The following WDR93 variants were observed in gnomAD, a reference collection of about 807,000 sequenced individuals.
WDR93 encodes the protein WD repeat domain 93, also known as WD repeat-containing protein 93.
Under a neutral mutation model 82.9 loss-of-function variants are expected in WDR93, and 73 were observed. The ratio of observed to expected loss-of-function variants is 0.88; its 90% confidence interval spans 0.73 to 1.07. The LOEUF is 1.07. Ranked by LOEUF, WDR93 falls within the 50% of genes least tolerant of loss-of-function variation. The pLI, the probability that WDR93 is intolerant of heterozygous loss-of-function variation, is 0.00. For missense variants in WDR93, 738 were observed against 826.0 expected (o/e 0.89, Z 1.31); for synonymous variants, 283 against 300.1 (o/e 0.94, Z 0.59).
At chr15:89,732,642 C>CAT (rs1179576729) in intron 12 of WDR93, among the ~76,000 whole-genome samples, 1 of 151,012 alleles carries the variant, frequency 6.6e-6, no homozygotes, top group Non-Finnish European at 1.5e-5. Context: ...CACACACACA[C>CAT]CGCCTTTTCT....
intron 8 of WDR93, among the ~76,000 whole-genome samples, chr15:89,725,195 C>A (rs1966684896): frequency 6.6e-6 from 1 of 152,110 alleles, no homozygotes; most frequent in South Asian, 2.1e-4. Context: ...AAATTTTCAT[C>A]AGTAGTAGAA....
intron 1 of WDR93, among the ~76,000 whole-genome samples, chr15:89,696,340 C>T (rs1965173804): frequency 6.6e-6 from 1 of 152,110 alleles, no homozygotes; most frequent in Non-Finnish European, 1.5e-5. Flanking sequence ...GATTAGTATT[C>T]TATTATATGG....
At chr15:89,740,239 T>C (rs1214672815) in intron 16 of WDR93, among the ~76,000 whole-genome samples, 3 of 152,190 alleles carry the variant, frequency 2.0e-5, no homozygotes, top group Non-Finnish European at 4.4e-5. Context: ...TACCACTAGG[T>C]GGCACCATAG....
intron 3 of WDR93, 57 bp downstream of exon 3, chr15:89,703,199 C>A: frequency 6.3e-7 from 1 of 1,585,954 alleles, no homozygotes; most frequent in South Asian, 1.1e-5. Flanking sequence ...AGACTGTTGT[C>A]AATTTAATCT....
chr15:89,703,196 T>C (rs1330675627), intron 3 of WDR93, 54 bp downstream of exon 3: 1 of 1,591,116 alleles, frequency 6.3e-7, no homozygotes, highest in South Asian at 1.1e-5. Flanking sequence ...TGTAGACTGT[T>C]GTCAATTTAA....
intron 4 of WDR93, among the ~76,000 whole-genome samples, chr15:89,709,841 A>G (rs924824168): frequency 2.7e-5 from 4 of 149,650 alleles, no homozygotes; most frequent in African/African-American, 9.9e-5. Context: ...CAAGATGTTC[A>G]TAGCAGCTGT....
intron 13 of WDR93, 66 bp downstream of exon 13, chr15:89,733,285 T>C (rs1240746848): frequency 1.1e-5 from 17 of 1,482,440 alleles, no homozygotes; most frequent in Non-Finnish European, 1.5e-5. Flanking sequence ...TATTTGATAG[T>C]AAAATCTGAC....
In WDR93 at chr15:89,701,678, A is replaced by C. The variant is rs186034379; in HGVS notation, c.-40-29A>C. Reference sequence around the variant, plus strand: ...ATCTTCTCATTGCTTCCTTTCTTCCAGAATTCCTTTGTTTACTTCTCTTAT... The same window carrying C: ...ATCTTCTCATTGCTTCCTTTCTTCCCGAATTCCTTTGTTTACTTCTCTTAT... On this transcript the variant is annotated intron_variant, in intron 1 of 16. Transcript: ENST00000268130. 113 of 1,531,594 alleles carry C rather than the reference A, an allele frequency of 7.4e-5. No individual in the cohort carries two copies. The African/African-American group carries it at 1.4e-3, about 19-fold the overall frequency. 94.9% of individuals were successfully genotyped at this position (1,531,594 alleles called of 1,614,324 possible).
At chr15:89,718,218 G>A (rs1596095020) in intron 7 of WDR93, among the ~76,000 whole-genome samples, 1 of 152,194 alleles carries the variant, frequency 6.6e-6, no homozygotes. Context: ...GCTCACGCCT[G>A]TAATCCCAAC....
intron 8 of WDR93, among the ~76,000 whole-genome samples, chr15:89,725,816 C>G (rs917763472): frequency 1.6e-4 from 24 of 152,130 alleles, no homozygotes; most frequent in African/African-American, 5.8e-4. Flanking sequence ...CCTGCCTTGG[C>G]CTTCCAAAGT....
intron 4 of WDR93, among the ~76,000 whole-genome samples, chr15:89,710,972 A>C (rs368903129): frequency 4.6e-5 from 7 of 152,330 alleles, no homozygotes; most frequent in African/African-American, 1.7e-4. Context: ...GAGGTATCCT[A>C]CTTTTGTTGC....
chr15:89,738,385 G>A lies in WDR93; in HGVS notation c.1961+149G>A, dbSNP rs528180106. On this transcript the variant is annotated intron_variant, in intron 16 of 16. Coordinates refer to ENST00000268130, the MANE Select transcript of WDR93 (RefSeq NM_020212.2). ...CTCACGCCTGTAATCCCAGCACTTT[G>A]GGAGTCCGAGGCAGGCGGATCACCT... 707 of 913,530 alleles carry A rather than the reference G, an allele frequency of 7.7e-4. 11 individuals carry two copies. In the South Asian group the frequency reaches 0.013, roughly 16 times the overall value. The allele number at this position is 913,530 out of a possible 1,614,324, so 56.6% of individuals were successfully genotyped here.
At chr15:89,740,376 G>A (rs1197586289) in intron 16 of WDR93, among the ~76,000 whole-genome samples, 3 of 152,196 alleles carry the variant, frequency 2.0e-5, no homozygotes, top group African/African-American at 2.4e-5. Context: ...GTCAGGAGAC[G>A]AATATGGTCT....
chr15:89,742,031 A>G (rs2165071), intron 16 of WDR93, among the ~76,000 whole-genome samples: 97,963 of 151,952 alleles, frequency 0.64, 33,505 homozygotes, highest in African/African-American at 0.84. Context: ...GATTACAGGC[A>G]TGAGCCATCA....
At chr15:89,699,042 T>A (rs892473720) in intron 1 of WDR93, among the ~76,000 whole-genome samples, 6 of 151,948 alleles carry the variant, frequency 3.9e-5, no homozygotes, top group East Asian at 3.9e-4. Context: ...AAATTTTTTT[T>A]ATAGAATAAA....
intron 1 of WDR93, among the ~76,000 whole-genome samples, chr15:89,691,058 C>T (rs897614836): frequency 1.3e-5 from 2 of 152,142 alleles, no homozygotes; most frequent in African/African-American, 4.8e-5. Flanking sequence ...TCTCCAGCCT[C>T]AGAACTCCCC....
At chr15:89,697,346 G>T (rs1261592509) in intron 1 of WDR93, among the ~76,000 whole-genome samples, 1 of 152,140 alleles carries the variant, frequency 6.6e-6, no homozygotes, top group South Asian at 2.1e-4. Flanking sequence ...CCATTCCTGA[G>T]TATCTACCCT....
chr15:89,690,698 T>G, upstream of WDR93: 1 of 1,197,460 alleles, frequency 8.4e-7, no homozygotes, highest in Non-Finnish European at 1.2e-6. Context: ...GCCCGTCGGA[T>G]CCCCAGGGAA....
At chr15:89,691,441 C>A (rs1275597823) in intron 1 of WDR93, among the ~76,000 whole-genome samples, 1 of 152,188 alleles carries the variant, frequency 6.6e-6, no homozygotes, top group Admixed American at 6.5e-5. Flanking sequence ...TAAGGTCGGC[C>A]GGTGCTGTGG....
Sources: allele counts gnomAD v4.1 joint callset (sites outside exome capture counted in the v4.1 genomes callset), GRCh38; gene constraint gnomAD v4.1.1; transcripts MANE v1.5; gene names NCBI Gene and HGNC (gene_info 2026-07-23, HGNC 2026-07-21).